Variants in RSF1 observed in about 807,000 individuals in gnomAD.
RSF1 encodes the protein HBV pX-associated protein 8.
Under a neutral mutation model 145.2 loss-of-function variants are expected in RSF1, and 13 were observed. The ratio of observed to expected loss-of-function variants is 0.09; its 90% CI spans 0.06 to 0.14. RSF1 has a LOEUF of 0.14. RSF1 is among the 10% of genes least tolerant of loss of function. RSF1 has a pLI of 1.00. For synonymous variants in RSF1, 577 were observed against 592.6 expected, an observed-to-expected ratio of 0.97 and a Z score of 0.38; for missense variants, 1,517 against 1,718.2, an observed-to-expected ratio of 0.88 and a Z score of 2.07.
At chr11:77,826,559 G>A in the RSF1 span, among the ~76,000 whole-genome samples, 2 of 152,148 alleles carry the variant, frequency 1.3e-5, no homozygotes, top group Non-Finnish European at 1.5e-5. Flanking sequence ...TTAAGATACT[G>A]TATTTACATG....
intron 1 of RSF1, among the ~76,000 whole-genome samples, chr11:77,794,434 G>A (rs1040447822): frequency 7.2e-5 from 11 of 152,012 alleles, no homozygotes; most frequent in Non-Finnish European, 1.3e-4. Context: ...TGTAATCCCC[G>A]CACTTTGCAA....
At chr11:77,695,441 T>C (rs1303174020) in intron 7 of RSF1, among the ~76,000 whole-genome samples, 1 of 152,206 alleles carries the variant, frequency 6.6e-6, no homozygotes, top group Non-Finnish European at 1.5e-5. Context: ...ATTATTTATA[T>C]CAATATGAAT....
At chr11:77,825,927 G>A in the RSF1 span, among the ~76,000 whole-genome samples, 1 of 151,882 alleles carries the variant, frequency 6.6e-6, no homozygotes, top group African/African-American at 2.4e-5. Flanking sequence ...CCTGACCTCA[G>A]ATGATCTGCT....
chr11:77,771,072 G>A (rs563024300), intron 1 of RSF1, among the ~76,000 whole-genome samples: 9 of 152,160 alleles, frequency 5.9e-5, no homozygotes, highest in African/African-American at 2.2e-4. Context: ...TCAATTTAAC[G>A]ATCATAGAGA....
chr11:77,766,508 G>C (rs1051565704), intron 1 of RSF1, among the ~76,000 whole-genome samples: 6 of 152,170 alleles, frequency 3.9e-5, no homozygotes, highest in African/African-American at 1.4e-4. Flanking sequence ...TGGTGGGTTG[G>C]GGGTGGGAGT....
Position 77,661,870 on chromosome 11 carries a change from A to T in RSF1, c.*5047T>A, listed in dbSNP as rs890052994. 3.9e-5 allele frequency: 6 copies of T among 151,946 alleles called. No individual in the cohort carries two copies. The highest frequency in any genetic ancestry group is 1.2e-4 in the African/African-American group (5 of 41,372). 9.4% of individuals were successfully genotyped at this position (151,946 alleles called of 1,614,324 possible). A position where few individuals can be genotyped will look rare whatever the true frequency, so the allele number is the denominator to read the frequency against. ...CTGGCTGTTCATGAGCATGACGTGC[A>T]AGCTGCTGGTCTATGACCAGAACTC... On this transcript the variant is annotated 3_prime_UTR_variant, in exon 16 of 16. Transcript: ENST00000308488.
chr11:77,860,759 C>T, the RSF1 span, among the ~76,000 whole-genome samples: 1 of 151,988 alleles, frequency 6.6e-6, no homozygotes, highest in African/African-American at 2.4e-5. Flanking sequence ...TCAGGATGTA[C>T]AGGGATGCAG....
chr11:77,829,259 C>T, the RSF1 span, among the ~76,000 whole-genome samples: 4 of 152,288 alleles, frequency 2.6e-5, no homozygotes, highest in Middle Eastern at 3.4e-3. Flanking sequence ...GCAGACATCT[C>T]CAACCCAAGG....
Position 77,681,040 on chromosome 11 carries a change from G to C in RSF1, c.3065+2670C>G, listed in dbSNP as rs182930511. 1.1e-3 allele frequency among the ~76,000 whole-genome samples: 162 copies of C among 152,272 alleles called. 2 individuals are homozygous for C. The highest frequency in any genetic ancestry group is 3.7e-4 in the Non-Finnish European group (25 of 68,012). On this transcript the variant is annotated intron_variant, in intron 11 of 15. Transcript: ENST00000308488. ...CAGGCATATGAAACTATTTCACAAA[G>C]AATGAAACATCCCACTCTTGCCTTA... is the stretch of plus-strand genomic sequence containing the variant.
intron 5 of RSF1, among the ~76,000 whole-genome samples, chr11:77,706,178 C>T (rs536523045): frequency 5.7e-4 from 85 of 147,852 alleles, no homozygotes; most frequent in African/African-American, 2.1e-3. Context: ...GAGGCAGAGG[C>T]TGCAGTGAGC....
At chr11:77,814,200 A>AC (rs1948759865) in intron 1 of RSF1, among the ~76,000 whole-genome samples, 2 of 52,794 alleles carry the variant, frequency 3.8e-5, no homozygotes, top group Admixed American at 3.8e-4. Flanking sequence ...ACTGTCTCAA[A>AC]AAAAAAAAAA....
chr11:77,679,875 T>C (rs1290101721), intron 11 of RSF1, among the ~76,000 whole-genome samples: 1 of 152,128 alleles, frequency 6.6e-6, no homozygotes, highest in East Asian at 1.9e-4. Context: ...ACATATAAAA[T>C]GCCTTTTACT....
the RSF1 span, chr11:77,850,953 C>CTTTTTTTTT: frequency 8.4e-6 from 1 of 119,564 alleles, no homozygotes; most frequent in Non-Finnish European, 1.7e-5. Context: ...ACAATAATAT[C>CTTTTTTTTT]TTTTTTTTTT....
At chr11:77,813,450 C>A (rs1030667359) in intron 1 of RSF1, 11 of 1,202,230 alleles carry the variant, frequency 9.1e-6, no homozygotes, top group Non-Finnish European at 1.2e-5. Flanking sequence ...AAGGATCCCA[C>A]GTCTTAGAAC....
rs1001765897 is a variant in RSF1 at position 77,683,798 on chromosome 11, G to C, written c.2977C>G (p.Gln993Glu). 11 of 1,611,268 alleles carry C rather than the reference G, an allele frequency of 6.8e-6. No homozygotes were observed. In the East Asian group the frequency reaches 2.5e-4, roughly 36 times the overall value. Residue 993 changes from glutamine to glutamate, a missense_variant, in exon 11 of 16, where the codon CAA (glutamine) becomes GAA (glutamate). By Grantham distance (29) the Gln-to-Glu change is conservative. This residue lies in a region of RSF1 where 231 missense variants were observed against 276.6 expected (regional missense o/e 0.84). Transcript: ENST00000308488. ...PPQEPDFSED[Q>E]EEKKKDSKKS... ...TTTGAATCTTTTTTCTTTTCTTCTT[G>C]ATCTTCAGAAAAGTCTGGCTCCTTA...
chr11:77,784,603 G>C (rs753484466), intron 1 of RSF1, among the ~76,000 whole-genome samples: 13 of 152,112 alleles, frequency 8.5e-5, no homozygotes, highest in Non-Finnish European at 1.6e-4. Context: ...GCTAAGCGCT[G>C]CTAAGATGTG....
At chr11:77,801,320 C>T (rs563471749) in intron 1 of RSF1, among the ~76,000 whole-genome samples, 72 of 152,134 alleles carry the variant, frequency 4.7e-4, no homozygotes, top group Middle Eastern at 3.4e-3. Flanking sequence ...CCCAGCTACT[C>T]GGGAGTTTGA....
At chr11:77,797,371 A>G (rs1590892826) in intron 1 of RSF1, among the ~76,000 whole-genome samples, 3 of 152,180 alleles carry the variant, frequency 2.0e-5, no homozygotes, top group South Asian at 4.1e-4. Context: ...ATCTACAACC[A>G]TATGATTTTT....
chr11:77,855,162 C>T, the RSF1 span, among the ~76,000 whole-genome samples: 1 of 152,224 alleles, frequency 6.6e-6, no homozygotes, highest in Non-Finnish European at 1.5e-5. Flanking sequence ...TTATTTCCTC[C>T]TAGGCCTCCA....
Sources: allele counts gnomAD v4.1 joint callset (sites outside exome capture counted in the v4.1 genomes callset), GRCh38; gene constraint gnomAD v4.1.1; regional missense constraint gnomAD v4.1.1; transcripts MANE v1.5; gene names NCBI Gene and HGNC (gene_info 2026-07-23, HGNC 2026-07-21).